AGO3: variants seen among roughly 807,000 people sequenced by gnomAD.
The protein encoded by AGO3 is protein argonaute-3.
A neutral mutation model predicts 105.5 loss-of-function variants in AGO3; 16 were observed. The ratio of observed to expected loss-of-function variants is 0.15; its 90% CI spans 0.10 to 0.23. The LOEUF is 0.23. Ranked by LOEUF, AGO3 falls within the 10% of genes least tolerant of loss-of-function variation. The pLI, the probability that AGO3 is intolerant of heterozygous loss-of-function variation, is 1.00. For missense variants in AGO3, 534 were observed against 1,088.0 expected, an observed-to-expected ratio of 0.49 and a Z score of 7.16; for synonymous variants, 340 against 367.3, an observed-to-expected ratio of 0.93 and a Z score of 0.85.
intron 2 of AGO3, among the ~76,000 whole-genome samples, chr1:35,959,590 A>G (rs1646637104): frequency 6.6e-6 from 1 of 152,198 alleles, no homozygotes; most frequent in Admixed American, 6.5e-5. Context: ...TAGTTTTACT[A>G]CTTACGGTAA....
chr1:36,026,480 G>C (rs1409424122), intron 11 of AGO3, among the ~76,000 whole-genome samples: 2 of 152,102 alleles, frequency 1.3e-5, no homozygotes, highest in African/African-American at 4.8e-5. Context: ...TGCTATCCTA[G>C]TGTGAGATAG....
chr1:35,978,164 CT>C (rs1478520976), intron 5 of AGO3, among the ~76,000 whole-genome samples: 1 of 152,044 alleles, frequency 6.6e-6, no homozygotes, highest in African/African-American at 2.4e-5. Context: ...TCTTGATGAA[CT>C]CTTTCTAGAG....
chr1:36,006,298 C>CT (rs1490913179), intron 6 of AGO3, among the ~76,000 whole-genome samples: 3 of 151,930 alleles, frequency 2.0e-5, no homozygotes, highest in Non-Finnish European at 4.4e-5. Flanking sequence ...GTATATTCAT[C>CT]TTTTTCCAGT....
At chr1:35,989,355 T>G (rs748392564) in intron 5 of AGO3, among the ~76,000 whole-genome samples, 36 of 152,214 alleles carry the variant, frequency 2.4e-4, no homozygotes, top group Non-Finnish European at 4.1e-4. Flanking sequence ...AGACTCAAAA[T>G]TTTTTGTTTA....
At position 36,027,681 on chromosome 1, in the gene AGO3, A is replaced by AGGAGG. The variant is rs1162739599; in HGVS notation, c.1591+385_1591+386insAGGGG. The stretch of plus-strand genomic sequence containing the variant: ...GTGGTCCCAGCCACTCAGGAGGCTG[A>AGGAGG]GGCAGGAGAATGGCGTGAACCCAGG... On this transcript the variant is annotated intron_variant, in intron 12 of 18. Coordinates refer to ENST00000373191, the MANE Select transcript of AGO3 (RefSeq NM_024852.4). This position sits in a 1 kb window ranked among gnomAD's most constrained non-coding sequence, Gnocchi z 4.0. Among the ~76,000 whole-genome samples, 3 of 151,714 alleles carry AGGAGG rather than the reference A, an allele frequency of 2.0e-5. No homozygotes were observed. The highest frequency in any genetic ancestry group is 4.4e-5 in the Non-Finnish European group (3 of 67,978).
chr1:35,993,301 A>T (rs1444152703), intron 5 of AGO3, among the ~76,000 whole-genome samples: 2 of 152,182 alleles, frequency 1.3e-5, no homozygotes, highest in South Asian at 2.1e-4. Flanking sequence ...AAATTTAATT[A>T]AAAAACTGTA....
Position 35,988,511 on chromosome 1 carries a change from A to G in AGO3, c.658+15000A>G, listed in dbSNP as rs539279546. On this transcript the variant is annotated intron_variant, in intron 5 of 18. Transcript: ENST00000373191. Reference sequence around the variant, plus strand: ...TGTGAGTTGAGCTTTCTTAGATTCCACATGTGAGATCATACAGTATTTGTC... The same window carrying G: ...TGTGAGTTGAGCTTTCTTAGATTCCGCATGTGAGATCATACAGTATTTGTC... Among the ~76,000 whole-genome samples the G allele has an allele frequency of 6.4e-4, 98 of 152,104 alleles. 3 individuals carry two copies. In the South Asian group the frequency reaches 0.019, roughly 30 times the overall value.
intron 17 of AGO3, among the ~76,000 whole-genome samples, chr1:36,051,610 C>G (rs1642718058): frequency 6.6e-6 from 1 of 151,986 alleles, no homozygotes. Context: ...GTCCCAGCTA[C>G]TCAGGAGGCA....
chr1:35,971,666 C>G (rs1646873542), intron 3 of AGO3, among the ~76,000 whole-genome samples: 1 of 151,990 alleles, frequency 6.6e-6, no homozygotes, highest in Non-Finnish European at 1.5e-5. Flanking sequence ...ATATTTTCCT[C>G]CTTTCTTACA....
At chr1:36,042,010 A>G (rs1017440194) in intron 16 of AGO3, among the ~76,000 whole-genome samples, 2 of 152,192 alleles carry the variant, frequency 1.3e-5, no homozygotes, top group Non-Finnish European at 2.9e-5. Context: ...AGAAATAATA[A>G]TAGATATTGT....
chr1:36,047,984 G>T (rs974321979), intron 17 of AGO3, among the ~76,000 whole-genome samples: 1 of 152,010 alleles, frequency 6.6e-6, no homozygotes, highest in Non-Finnish European at 1.5e-5. Flanking sequence ...AACCCTAAAA[G>T]GTTCTTCCCA....
intron 11 of AGO3, among the ~76,000 whole-genome samples, chr1:36,015,418 T>C (rs546536314): frequency 6.6e-6 from 1 of 152,274 alleles, no homozygotes; most frequent in East Asian, 1.9e-4. Flanking sequence ...TACATAGGCC[T>C]CATTGATTAA....
At chr1:35,950,551 G>A (rs891509004) in intron 2 of AGO3, among the ~76,000 whole-genome samples, 15 of 151,988 alleles carry the variant, frequency 9.9e-5, no homozygotes, top group Non-Finnish European at 1.9e-4. Flanking sequence ...TTGTGTTGGG[G>A]GGCCAAGTTG....
intron 2 of AGO3, among the ~76,000 whole-genome samples, chr1:35,954,706 A>G (rs979214534): frequency 6.6e-6 from 1 of 152,208 alleles, no homozygotes; most frequent in South Asian, 2.1e-4. Context: ...ATCTCTTTAA[A>G]GTTTTAAATT....
chr1:36,009,670 T>C, intron 9 of AGO3, 76 bp downstream of exon 9: 1 of 1,435,384 alleles, frequency 7.0e-7, no homozygotes, highest in East Asian at 2.3e-5. Flanking sequence ...CATGTCCTTA[T>C]CAACCCATAC....
At chr1:35,963,331 A>G (rs1646712279) in intron 2 of AGO3, among the ~76,000 whole-genome samples, 1 of 152,158 alleles carries the variant, frequency 6.6e-6, no homozygotes, top group South Asian at 2.1e-4. Context: ...GTATACAACC[A>G]ATTTTTTACA....
chr1:35,967,921 A>G (rs1340271526), intron 3 of AGO3, among the ~76,000 whole-genome samples: 1 of 152,134 alleles, frequency 6.6e-6, no homozygotes, highest in African/African-American at 2.4e-5. Context: ...TATAGATACC[A>G]TGTCGTTCTT....
intron 17 of AGO3, among the ~76,000 whole-genome samples, chr1:36,049,475 G>A (rs541880468): frequency 9.3e-5 from 14 of 150,500 alleles, no homozygotes; most frequent in African/African-American, 2.4e-4. Context: ...CCGAGATTGC[G>A]CCACTGCACT....
chr1:36,019,906 T>C (rs939704855), intron 11 of AGO3, among the ~76,000 whole-genome samples: 1 of 152,088 alleles, frequency 6.6e-6, no homozygotes, highest in Admixed American at 6.6e-5. Context: ...GTAGCTGGGA[T>C]TGCAAGTACC....
Sources: gnomAD v4.1 joint callset for allele counts (sites outside exome capture counted in the v4.1 genomes callset) on GRCh38, gnomAD v4.1.1 for gene constraint, Gnocchi (gnomAD v3.1) non-coding constraint, MANE v1.5 for transcripts, NCBI Gene and HGNC (gene_info 2026-07-23, HGNC 2026-07-21) for gene names.